UBAP2: variants seen among roughly 807,000 people sequenced by gnomAD.
UBAP2 encodes the protein ubiquitin-associated protein 2.
A neutral mutation model predicts 139.6 loss-of-function variants in UBAP2; 75 were observed. The observed-to-expected ratio is 0.54, with a 90% CI of 0.45 to 0.65. UBAP2 has a LOEUF of 0.65. Among genes scored for constraint, UBAP2 ranks in the 30% least tolerant of loss-of-function variants. The pLI is 0.00. For synonymous variants in UBAP2, 526 were observed against 526.2 expected (o/e 1.00, Z 0.01); for missense variants, 1,368 against 1,369.6 (o/e 1.00, Z 0.02).
chr9:33,998,787 C>T lies in UBAP2; in HGVS notation c.177G>A (p.Gln59=). 1 of 1,610,508 alleles carries T rather than the reference C, an allele frequency of 6.2e-7. No individual in the cohort carries two copies. Among genetic ancestry groups the T allele is most frequent in the Non-Finnish European group, 8.5e-7 (1 of 1,178,720 alleles). ...ATGATATCCTTTGCCAGAAACATAC[C>T]TGCTTAACTTTAGCTTCAAAATCTG... ...NDSDFEAKVK[Q]LMEVTGKNQD... The change falls in exon 3 of 29, where the codon CAG becomes CAA. Residue 59 remains glutamine, a splice_region_variant and synonymous_variant. Coordinates refer to ENST00000379238, the MANE Select transcript of UBAP2 (RefSeq NM_001370062.2).
chr9:34,013,313 G>A (rs1823934474), intron 2 of UBAP2, among the ~76,000 whole-genome samples: 1 of 152,014 alleles, frequency 6.6e-6, no homozygotes, highest in African/African-American at 2.4e-5. Flanking sequence ...ACTTTGGGAG[G>A]CGGAGCTGGG....
chr9:33,960,819 C>T lies in UBAP2; in HGVS notation c.798+7G>A. On this transcript the variant is annotated splice_region_variant and intron_variant, in intron 10 of 28. Transcript: ENST00000379238. Reference sequence around the variant, plus strand: ...AAGAAAGGTCTCATCTGACAGCAAACACTTACATCTTCAGTCCAGTCTTCT... The same window carrying T: ...AAGAAAGGTCTCATCTGACAGCAAATACTTACATCTTCAGTCCAGTCTTCT... 6.2e-7 allele frequency: 1 copy of T among 1,608,666 alleles called. No individual in the cohort carries two copies.
chr9:33,982,180 C>T (rs1029344333), intron 6 of UBAP2, among the ~76,000 whole-genome samples: 3 of 152,192 alleles, frequency 2.0e-5, no homozygotes, highest in Non-Finnish European at 2.9e-5. Flanking sequence ...GCCCCTCTTT[C>T]ACCCAAGCTG....
rs551262294 is a variant in UBAP2 at position 33,942,393 on chromosome 9, T to C, written c.1716-531A>G. Among the ~76,000 whole-genome samples, 10 of 151,594 alleles carry C rather than the reference T, an allele frequency of 6.6e-5. No homozygotes were observed. The East Asian group carries it at 9.7e-4, about 15-fold the overall frequency. ...TTTAAAAAGGAAACTTAAACAAATA[T>C]CAGGTTTTGCCTCTGGAATGTGAAA... On this transcript the variant is annotated intron_variant, in intron 15 of 28. Coordinates refer to ENST00000379238, the MANE Select transcript of UBAP2 (RefSeq NM_001370062.2).
chr9:33,991,974 C>T (rs758988500), intron 4 of UBAP2, among the ~76,000 whole-genome samples: 2 of 152,174 alleles, frequency 1.3e-5, no homozygotes, highest in African/African-American at 2.4e-5. Flanking sequence ...GATACCCTGG[C>T]CAGGCACGGT....
intron 5 of UBAP2, among the ~76,000 whole-genome samples, chr9:33,987,919 G>A (rs556891803): frequency 2.0e-5 from 3 of 152,174 alleles, no homozygotes; most frequent in South Asian, 4.1e-4. Context: ...ATGCCAACAC[G>A]CAGTCTTTTC....
intron 1 of UBAP2, among the ~76,000 whole-genome samples, chr9:34,041,590 G>C (rs758785786): frequency 4.6e-5 from 7 of 151,842 alleles, no homozygotes; most frequent in Non-Finnish European, 8.8e-5. Flanking sequence ...CCAGCTACTC[G>C]GGAGGCCGAG....
At chr9:33,926,838 C>T (rs1045439970) in intron 21 of UBAP2, 151 bp downstream of exon 21, 8 of 960,514 alleles carry the variant, frequency 8.3e-6, no homozygotes, top group Admixed American at 5.8e-5. Flanking sequence ...GGAAGAAGAC[C>T]ACCAGGGCTC....
chr9:34,029,501 C>A (rs1825702786), intron 1 of UBAP2, among the ~76,000 whole-genome samples: 2 of 151,284 alleles, frequency 1.3e-5, no homozygotes, highest in South Asian at 4.2e-4. Context: ...GGCACTCCAG[C>A]CTGGACAACA....
chr9:34,039,146 G>GCTCATTGAGAAC (rs1826785959), intron 1 of UBAP2, among the ~76,000 whole-genome samples: 1 of 151,544 alleles, frequency 6.6e-6, no homozygotes, highest in Non-Finnish European at 1.5e-5. Context: ...CTGGGAGGTG[G>GCTCATTGAGAAC]GGGGCAGCCT....
At chr9:33,931,307 A>C (rs971391560) in intron 19 of UBAP2, among the ~76,000 whole-genome samples, 2 of 152,264 alleles carry the variant, frequency 1.3e-5, no homozygotes, top group Non-Finnish European at 2.9e-5. Flanking sequence ...ATGGAGGGAC[A>C]ACTGTATTAG....
chr9:33,931,853 C>T (rs1309011147), intron 19 of UBAP2, among the ~76,000 whole-genome samples: 1 of 152,178 alleles, frequency 6.6e-6, no homozygotes, highest in Non-Finnish European at 1.5e-5. Flanking sequence ...CCTCGCCCAA[C>T]ACCTCCTGTT....
chr9:34,002,447 G>A lies in UBAP2; in HGVS notation c.100-3583C>T, dbSNP rs867240740. On this transcript the variant is annotated intron_variant, in intron 2 of 28. Transcript: ENST00000379238. ...AGGCTGGAGTGCATGGCGCGATATC[G>A]GCTCACTGCAACCTCCATCTCCCAG... 1.1e-4 allele frequency among the ~76,000 whole-genome samples: 16 copies of A among 147,332 alleles called. 1 individual carries two copies. Among genetic ancestry groups the A allele is most frequent in the East Asian group, 2.0e-4 (1 of 4,984 alleles).
intron 11 of UBAP2, among the ~76,000 whole-genome samples, chr9:33,954,902 AT>A (rs1215049397): frequency 2.6e-5 from 4 of 152,204 alleles, no homozygotes; most frequent in African/African-American, 9.7e-5. Context: ...AAGGTATCAT[AT>A]GTAACCAGTC....
intron 2 of UBAP2, among the ~76,000 whole-genome samples, chr9:34,007,432 GGCTACCGTGA>G (rs1823318925): frequency 6.6e-6 from 1 of 151,604 alleles, no homozygotes; most frequent in Non-Finnish European, 1.5e-5. Context: ...GGGGGGTCAA[GGCTACCGTGA>G]GCCATGTTCG....
intron 1 of UBAP2, among the ~76,000 whole-genome samples, chr9:34,022,433 C>CTTTTTTTTTTT (rs11387718): frequency 2.7e-5 from 3 of 112,348 alleles, no homozygotes; most frequent in African/African-American, 1.0e-4. Context: ...AGCAAGACCC[C>CTTTTTTTTTTT]TTTTTTTTTT....
intron 10 of UBAP2, among the ~76,000 whole-genome samples, chr9:33,959,612 CA>C (rs562373493): frequency 6.6e-6 from 1 of 151,114 alleles, no homozygotes; most frequent in African/African-American, 2.4e-5. Flanking sequence ...CTTATTTTTC[CA>C]AAAAAAATAC....
chr9:34,036,433 T>C (rs1348949093), intron 1 of UBAP2, among the ~76,000 whole-genome samples: 2 of 151,954 alleles, frequency 1.3e-5, no homozygotes, highest in East Asian at 3.9e-4. Context: ...CTTGATTCTA[T>C]AGGAAGAATC....
At chr9:34,035,640 G>A (rs1233388874) in intron 1 of UBAP2, among the ~76,000 whole-genome samples, 2 of 149,518 alleles carry the variant, frequency 1.3e-5, no homozygotes, top group East Asian at 2.0e-4. Flanking sequence ...AGTCGAGATC[G>A]TGCTACTGTA....
Sources: allele counts gnomAD v4.1 joint callset (sites outside exome capture counted in the v4.1 genomes callset), GRCh38; gene constraint gnomAD v4.1.1; transcripts MANE v1.5; gene names NCBI Gene and HGNC (gene_info 2026-07-23, HGNC 2026-07-21).